The following GRIP1 variants were observed in gnomAD, a reference collection of about 807,000 sequenced individuals.
GRIP1 encodes glutamate receptor interacting protein 1.
A neutral mutation model predicts 129.9 loss-of-function variants in GRIP1; 45 were observed. That is an observed-to-expected ratio of 0.35 (90% CI 0.27 to 0.44). The LOEUF (loss-of-function observed/expected upper bound fraction) is 0.44. Ranked by LOEUF, GRIP1 falls within the 20% of genes least tolerant of loss-of-function variation. The probability of loss-of-function intolerance (pLI) is 1.00; values close to 1 mark genes in which losing one functional copy is unlikely to be tolerated. For missense variants in GRIP1, 1,196 were observed against 1,396.8 expected, an observed-to-expected ratio of 0.86 and a Z score of 2.29; for synonymous variants, 530 against 520.8, an observed-to-expected ratio of 1.02 and a Z score of -0.24.
At chr12:66,538,057 C>T (rs1429289900) in intron 4 of GRIP1, among the ~76,000 whole-genome samples, 1 of 152,148 alleles carries the variant, frequency 6.6e-6, no homozygotes, top group Non-Finnish European at 1.5e-5. Context: ...AAATTGTGTG[C>T]TGTTAGGAGT....
chr12:66,701,113 C>T (rs557795317), intron 1 of GRIP1, among the ~76,000 whole-genome samples: 5 of 152,224 alleles, frequency 3.3e-5, no homozygotes, highest in South Asian at 4.1e-4. Context: ...CTCCAAAACC[C>T]GTGCAACTAA....
rs2137518328 is a variant in GRIP1 at position 66,392,429 on chromosome 12, G to A, written c.2343C>T (p.Asp781=). The A allele has an allele frequency of 8.7e-6, 14 of 1,613,970 alleles. No homozygotes were observed. The highest frequency in any genetic ancestry group is 2.2e-5 in the East Asian group (1 of 44,886). The change falls in exon 19 of 25, where the codon GAC becomes GAT. Residue 781 remains aspartate (D), a synonymous_variant. Transcript: ENST00000359742. ...TGCCTGGCTTCTGTGCTGGTGAGGA[G>A]TCCTCCTCCACATCCCCCAGGTCAC... ...HLSDLGDVEE[D]SSPAQKPGKL...
intron 1 of GRIP1, among the ~76,000 whole-genome samples, chr12:66,635,572 T>C (rs2031281409): frequency 6.6e-6 from 1 of 152,014 alleles, no homozygotes; most frequent in Non-Finnish European, 1.5e-5. Flanking sequence ...AGATAAGGAA[T>C]CATCAAAAGA....
chr12:66,435,202 A>AT (rs35281910), intron 13 of GRIP1, among the ~76,000 whole-genome samples: 77,591 of 139,226 alleles, frequency 0.56, 22,605 homozygotes, highest in Non-Finnish European at 0.63. Flanking sequence ...ACGTGTGACC[A>AT]TTTTTTTTTT....
At chr12:66,447,239 G>C (rs956688834) in intron 11 of GRIP1, among the ~76,000 whole-genome samples, 1 of 152,062 alleles carries the variant, frequency 6.6e-6, no homozygotes, top group East Asian at 1.9e-4. Context: ...CATCTCCTAG[G>C]CTCAAAGATT....
Position 66,379,443 on chromosome 12 carries a change from T to C in GRIP1, c.2465-7A>G. ...GAGGCCTGAAAACTAGTGCCTAAAA[T>C]ATAAACAAGGTGTTAGCATTGGGCC... On this transcript the variant is annotated splice_region_variant and splice_polypyrimidine_tract_variant and intron_variant, in intron 19 of 24. Coordinates refer to ENST00000359742, the MANE Select transcript of GRIP1 (RefSeq NM_001366722.1). 6.2e-7 allele frequency: 1 copy of C among 1,613,944 alleles called. No individual in the cohort carries two copies. Among genetic ancestry groups the C allele is most frequent in the South Asian group, 1.1e-5 (1 of 91,080 alleles).
At chr12:66,867,758 T>A (rs772081848) in intron 1 of GRIP1, among the ~76,000 whole-genome samples, 3 of 152,174 alleles carry the variant, frequency 2.0e-5, no homozygotes, top group Non-Finnish European at 4.4e-5. Context: ...GAAAACTACA[T>A]GTCAGTTGAA....
intron 1 of GRIP1, among the ~76,000 whole-genome samples, chr12:66,765,596 T>C (rs1465411040): frequency 2.6e-5 from 4 of 152,214 alleles, no homozygotes; most frequent in African/African-American, 9.6e-5. Flanking sequence ...TTCCTAGTGG[T>C]CACCCTCTCC....
intron 1 of GRIP1, among the ~76,000 whole-genome samples, chr12:66,618,690 T>C (rs1410769351): frequency 6.6e-6 from 1 of 152,116 alleles, no homozygotes; most frequent in African/African-American, 2.4e-5. Context: ...TGAAAGACAT[T>C]TTATTAATAC....
At chr12:66,830,395 C>G (rs1163855366) in intron 1 of GRIP1, among the ~76,000 whole-genome samples, 1 of 151,924 alleles carries the variant, frequency 6.6e-6, no homozygotes, top group African/African-American at 2.4e-5. Context: ...GAGATGTGAC[C>G]ATGGAAGGAG....
At chr12:66,834,041 G>C (rs2039565346) in intron 1 of GRIP1, among the ~76,000 whole-genome samples, 1 of 151,988 alleles carries the variant, frequency 6.6e-6, no homozygotes, top group African/African-American at 2.4e-5. Context: ...ACCTGGGCAA[G>C]GTGGTGTGTG....
intron 1 of GRIP1, among the ~76,000 whole-genome samples, chr12:66,917,449 T>C (rs2041142663): frequency 6.6e-6 from 1 of 152,242 alleles, no homozygotes; most frequent in Non-Finnish European, 1.5e-5. Context: ...AAAGAGCATC[T>C]ATTCTTAATT....
At chr12:66,935,307 T>C (rs2041466530) in intron 1 of GRIP1, among the ~76,000 whole-genome samples, 1 of 152,208 alleles carries the variant, frequency 6.6e-6, no homozygotes, top group Non-Finnish European at 1.5e-5. Flanking sequence ...AATTTCTAAA[T>C]TGATAGAAGT....
chr12:66,923,030 A>G (rs1242352944), intron 1 of GRIP1, among the ~76,000 whole-genome samples: 1 of 152,180 alleles, frequency 6.6e-6, no homozygotes, highest in African/African-American at 2.4e-5. Context: ...GACTGTATGA[A>G]TATCATACAA....
chr12:67,043,709 T>G (rs530286387), intron 1 of GRIP1, among the ~76,000 whole-genome samples: 1 of 152,138 alleles, frequency 6.6e-6, no homozygotes, highest in East Asian at 1.9e-4. Flanking sequence ...CAGTACTATT[T>G]AAGGCCAGAG....
At position 66,413,610 on chromosome 12, in the gene GRIP1, T is replaced by A. The variant is rs571726478; in HGVS notation, c.1838+7110A>T. Among the ~76,000 whole-genome samples the A allele has an allele frequency of 2.0e-5, 3 of 152,270 alleles. No homozygotes were observed. The South Asian group carries it at 6.2e-4, about 32-fold the overall frequency. On this transcript the variant is annotated intron_variant, in intron 15 of 24. Transcript: ENST00000359742. The stretch of plus-strand genomic sequence containing the variant: ...AACTCATTTTATGAGGCTAGTATCA[T>A]CCTGATACCAAAACCTGGGAGAGAT...
intron 1 of GRIP1, among the ~76,000 whole-genome samples, chr12:66,646,345 C>A (rs79636824): frequency 2.0e-5 from 3 of 152,110 alleles, no homozygotes; most frequent in Admixed American, 1.3e-4. Context: ...GGGGGAAGGG[C>A]GAGAGCGGTG....
At chr12:67,037,685 A>C (rs2135799741) in intron 1 of GRIP1, among the ~76,000 whole-genome samples, 1 of 152,330 alleles carries the variant, frequency 6.6e-6, no homozygotes, top group East Asian at 1.9e-4. Flanking sequence ...GACTAAATCT[A>C]AGTCCTAAAT....
chr12:66,450,053 C>A (rs531237577), intron 11 of GRIP1, among the ~76,000 whole-genome samples: 1 of 151,872 alleles, frequency 6.6e-6, no homozygotes, highest in South Asian at 2.1e-4. Context: ...GTAATCCCAG[C>A]ACTTTGGGAG....
Sources: allele counts gnomAD v4.1 joint callset (sites outside exome capture counted in the v4.1 genomes callset), GRCh38; gene constraint gnomAD v4.1.1; transcripts MANE v1.5; gene names NCBI Gene and HGNC (gene_info 2026-07-23, HGNC 2026-07-21).